The following CDKAL1 variants were observed in gnomAD, a reference collection of about 807,000 sequenced individuals.
CDKAL1 encodes the protein threonylcarbamoyladenosine tRNA methylthiotransferase.
CDKAL1 carries 32 observed loss-of-function variants against 68.2 expected under a neutral mutation model. The observed-to-expected ratio is 0.47, with a 90% CI of 0.35 to 0.63. The LOEUF is 0.63. CDKAL1 is among the 30% of genes least tolerant of loss of function. The pLI is 0.00. For synonymous variants in CDKAL1, 234 were observed against 244.3 expected, an observed-to-expected ratio of 0.96 and a Z score of 0.39; for missense variants, 606 against 696.7, an observed-to-expected ratio of 0.87 and a Z score of 1.47.
At chr6:21,154,147 A>C (rs1245377860) in intron 13 of CDKAL1, among the ~76,000 whole-genome samples, 1 of 152,034 alleles carries the variant, frequency 6.6e-6, no homozygotes, top group African/African-American at 2.4e-5. Flanking sequence ...AAATTAATGC[A>C]TGTGGAAGAG....
At chr6:20,585,271 C>G (rs1765302948) in intron 4 of CDKAL1, among the ~76,000 whole-genome samples, 1 of 152,050 alleles carries the variant, frequency 6.6e-6, no homozygotes, top group African/African-American at 2.4e-5. Flanking sequence ...CCAGGATGGT[C>G]TCGATCTCCT....
chr6:20,706,706 C>T lies in CDKAL1; in HGVS notation c.372-32813C>T, dbSNP rs111493880. 7.9e-3 allele frequency among the ~76,000 whole-genome samples: 1,209 copies of T among 152,312 alleles called. 17 individuals carry two copies. Among genetic ancestry groups the T allele is most frequent in the African/African-American group, 0.027 (1,128 of 41,566 alleles). On this transcript the variant is annotated intron_variant, in intron 5 of 15. Coordinates refer to ENST00000274695, the MANE Select transcript of CDKAL1 (RefSeq NM_017774.3). ...CAAGGTCATAAATAATCCAGGAGTA[C>T]AGCATCTGTTTCACCTGCTGCTCTC... is the stretch of plus-strand genomic sequence containing the variant.
chr6:21,132,132 TC>T lies in CDKAL1; in HGVS notation c.1299+23670del, dbSNP rs549246313. 1.5e-3 allele frequency among the ~76,000 whole-genome samples: 222 copies of T among 152,212 alleles called. 3 individuals carry two copies. The highest frequency in any genetic ancestry group is 0.014 in the Admixed American group (212 of 15,292). Reference sequence around the variant, plus strand: ...AGTTCATATCGTTTAGCTCAGCAAATCAGCTTCTGGAAATCTATTTTGAGGA... The same window carrying T: ...AGTTCATATCGTTTAGCTCAGCAAATAGCTTCTGGAAATCTATTTTGAGGA... On this transcript the variant is annotated intron_variant, in intron 13 of 15. Coordinates refer to ENST00000274695, the MANE Select transcript of CDKAL1 (RefSeq NM_017774.3).
chr6:21,160,210 T>C (rs1180584453), intron 13 of CDKAL1, among the ~76,000 whole-genome samples: 3 of 152,240 alleles, frequency 2.0e-5, no homozygotes, highest in Non-Finnish European at 2.9e-5. Context: ...TAAGTCGCTT[T>C]TGGCTCTAAA....
intron 5 of CDKAL1, among the ~76,000 whole-genome samples, chr6:20,679,056 C>G (rs953063620): frequency 2.6e-5 from 4 of 152,166 alleles, no homozygotes; most frequent in Admixed American, 2.0e-4. Flanking sequence ...GGGAGTGTGT[C>G]ACCACACATG....
At chr6:21,047,284 C>G (rs1365929910) in intron 11 of CDKAL1, among the ~76,000 whole-genome samples, 2 of 152,112 alleles carry the variant, frequency 1.3e-5, no homozygotes, top group African/African-American at 4.8e-5. Context: ...TAGGCAGATG[C>G]TGCTGAGAAG....
intron 11 of CDKAL1, among the ~76,000 whole-genome samples, chr6:21,042,738 CT>C (rs1770000676): frequency 6.6e-6 from 1 of 152,162 alleles, no homozygotes; most frequent in South Asian, 2.1e-4. Context: ...AATCATCTTA[CT>C]GATGTACCGC....
At chr6:21,105,801 C>T (rs1773817385) in intron 12 of CDKAL1, among the ~76,000 whole-genome samples, 1 of 152,136 alleles carries the variant, frequency 6.6e-6, no homozygotes, top group South Asian at 2.1e-4. Context: ...ACAAACAGAC[C>T]ACCTGTGTCA....
chr6:20,765,434 GC>G lies in CDKAL1; in HGVS notation c.517+6792del, dbSNP rs1774656578. On this transcript the variant is annotated intron_variant, in intron 7 of 15. Coordinates refer to ENST00000274695, the MANE Select transcript of CDKAL1 (RefSeq NM_017774.3). Reference sequence around the variant, plus strand: ...GCCTCCCAAAGTGCTGGGATTACAGGCGTGAGCCACCGCGCCCGGCCGGTTA... The same window carrying G: ...GCCTCCCAAAGTGCTGGGATTACAGGGTGAGCCACCGCGCCCGGCCGGTTA... 6.6e-5 allele frequency among the ~76,000 whole-genome samples: 2 copies of G among 30,122 alleles called. 1 individual carries two copies. The highest frequency in any genetic ancestry group is 6.8e-4 in the Admixed American group (2 of 2,956). 19.8% of individuals were successfully genotyped at this position (30,122 alleles called of 152,430 possible).
intron 11 of CDKAL1, among the ~76,000 whole-genome samples, chr6:21,001,046 A>T (rs1420566401): frequency 6.6e-6 from 1 of 152,216 alleles, no homozygotes. Context: ...GCCTTCTGTG[A>T]TTATGCTAGG....
At chr6:20,605,786 C>T (rs758413007) in intron 4 of CDKAL1, among the ~76,000 whole-genome samples, 2 of 152,106 alleles carry the variant, frequency 1.3e-5, no homozygotes, top group Non-Finnish European at 2.9e-5. Flanking sequence ...AGGCATTATC[C>T]CCAGTACTGA....
At chr6:20,811,559 ATG>A (rs1333067861) in intron 8 of CDKAL1, among the ~76,000 whole-genome samples, 1 of 152,104 alleles carries the variant, frequency 6.6e-6, no homozygotes, top group Non-Finnish European at 1.5e-5. Context: ...GTGTTATTTA[ATG>A]TGTGTCTTTA....
At chr6:20,979,659 C>G (rs1021638414) in intron 10 of CDKAL1, among the ~76,000 whole-genome samples, 2 of 151,740 alleles carry the variant, frequency 1.3e-5, no homozygotes, top group African/African-American at 4.8e-5. Flanking sequence ...GGAGTGCGGC[C>G]GACGAAGTCC....
intron 8 of CDKAL1, among the ~76,000 whole-genome samples, chr6:20,796,372 C>T (rs1776110015): frequency 6.6e-6 from 1 of 152,064 alleles, no homozygotes; most frequent in Non-Finnish European, 1.5e-5. Flanking sequence ...ATGCAATGTT[C>T]AGGAATTGGA....
intron 4 of CDKAL1, among the ~76,000 whole-genome samples, chr6:20,608,021 A>G (rs1365984754): frequency 2.0e-5 from 3 of 152,182 alleles, no homozygotes; most frequent in East Asian, 1.9e-4. Context: ...AAATACAGCA[A>G]TAGCTCAGGG....
intron 10 of CDKAL1, among the ~76,000 whole-genome samples, chr6:20,966,828 A>G (rs1394854985): frequency 1.3e-5 from 2 of 152,200 alleles, no homozygotes; most frequent in Admixed American, 6.5e-5. Flanking sequence ...AATTTCAGAC[A>G]TTAATCTTTT....
chr6:21,049,947 T>G (rs2150909293), intron 11 of CDKAL1, among the ~76,000 whole-genome samples: 1 of 152,294 alleles, frequency 6.6e-6, no homozygotes, highest in Non-Finnish European at 1.5e-5. Flanking sequence ...ATTCTCAGAA[T>G]ATTCAGAAAT....
chr6:20,947,676 G>A (rs1028069926), intron 9 of CDKAL1, among the ~76,000 whole-genome samples: 2 of 152,108 alleles, frequency 1.3e-5, no homozygotes, highest in African/African-American at 2.4e-5. Flanking sequence ...ATAGCTTAGC[G>A]TAGCCTACCT....
rs184994883 is a variant in CDKAL1 at position 20,966,100 on chromosome 6, C to T, written c.909+10515C>T. On this transcript the variant is annotated intron_variant, in intron 10 of 15. Coordinates refer to ENST00000274695, the MANE Select transcript of CDKAL1 (RefSeq NM_017774.3). The stretch of plus-strand genomic sequence containing the variant: ...CAGGTGATTCATGATCTAGAACAGA[C>T]GGGGGTAATGAAGTTAATGGTTCAT... Among the ~76,000 whole-genome samples the T allele has an allele frequency of 5.3e-5, 8 of 152,082 alleles. 1 individual carries two copies. Among genetic ancestry groups the T allele is most frequent in the South Asian group, 4.2e-4 (2 of 4,808 alleles).
Sources: gnomAD v4.1 joint callset for allele counts (sites outside exome capture counted in the v4.1 genomes callset) on GRCh38, gnomAD v4.1.1 for gene constraint, MANE v1.5 for transcripts, NCBI Gene and HGNC (gene_info 2026-07-23, HGNC 2026-07-21) for gene names.